CASZ1: variants seen among roughly 807,000 people sequenced by gnomAD.
The protein encoded by CASZ1 is zinc finger protein castor homolog 1.
In CASZ1, 28 loss-of-function variants were observed where a neutral mutation model predicts 135.2. The observed-to-expected ratio is 0.21, with a 90% CI of 0.15 to 0.28. The LOEUF (loss-of-function observed/expected upper bound fraction) is 0.28. Among genes scored for constraint, CASZ1 ranks in the 10% least tolerant of loss-of-function variants. The pLI is 1.00. For missense variants in CASZ1, 2,161 were observed against 2,453.3 expected (o/e 0.88, Z 2.52); for synonymous variants, 1,068 against 1,073.4 (o/e 0.99, Z 0.10).
chr1:10,699,481 G>C lies in CASZ1; in HGVS notation c.-23-5569C>G, dbSNP rs1321404446. 6.6e-6 allele frequency among the ~76,000 whole-genome samples: 1 copy of C among 152,168 alleles called. No individual in the cohort carries two copies. The highest frequency in any genetic ancestry group is 1.5e-5 in the Non-Finnish European group (1 of 68,040). On this transcript the variant is annotated intron_variant, in intron 3 of 20. Transcript: ENST00000377022. The surrounding 1 kb of genome is among the most constrained non-coding windows in gnomAD (Gnocchi z 4.6). Reference sequence around the variant, plus strand: ...ACCCAAGGTCTGAAAGCCAAGGTAGGTTGTTGGGTGGGCAGCTGGCAGCCC... The same window carrying C: ...ACCCAAGGTCTGAAAGCCAAGGTAGCTTGTTGGGTGGGCAGCTGGCAGCCC...
chr1:10,761,842 G>C (rs999816756), intron 1 of CASZ1, among the ~76,000 whole-genome samples: 4 of 152,202 alleles, frequency 2.6e-5, no homozygotes, highest in African/African-American at 9.6e-5. Context: ...TGAGAACCCA[G>C]AGGGGGTGCT....
chr1:10,650,279 C>T (rs976498711), intron 13 of CASZ1: 7 of 152,422 alleles, frequency 4.6e-5, no homozygotes, highest in Admixed American at 3.9e-4. Context: ...GGAAGGCGTC[C>T]GAGACCATTA....
At chr1:10,758,266 G>A (rs1003318078) in intron 2 of CASZ1, among the ~76,000 whole-genome samples, 2 of 151,536 alleles carry the variant, frequency 1.3e-5, no homozygotes, top group African/African-American at 4.9e-5. Context: ...AACAGGGGCG[G>A]TCTTGTCCAC....
chr1:10,654,376 C>T (rs1384754066), intron 10 of CASZ1, 43 bp downstream of exon 10: 1 of 1,601,190 alleles, frequency 6.2e-7, no homozygotes, highest in South Asian at 1.1e-5. Context: ...TGCCTTCCCT[C>T]CCCGCTTCTG....
intron 6 of CASZ1, 94 bp downstream of exon 6, chr1:10,659,608 G>C: frequency 2.1e-6 from 2 of 945,980 alleles, no homozygotes; most frequent in Non-Finnish European, 3.4e-6. Context: ...AGCGGCAGGT[G>C]TGTCCTCAAG....
At chr1:10,785,783 G>A (rs6660242) in intron 1 of CASZ1, among the ~76,000 whole-genome samples, 69,931 of 152,218 alleles carry the variant, frequency 0.46, 20,991 homozygotes, top group Non-Finnish European at 0.67. Context: ...AGCCCACAAC[G>A]GCTGCTTCAT....
At chr1:10,664,073 C>A (rs1026459236) in intron 5 of CASZ1, among the ~76,000 whole-genome samples, 1 of 152,242 alleles carries the variant, frequency 6.6e-6, no homozygotes, top group East Asian at 1.9e-4. Context: ...TCATTGATCT[C>A]GCAATGTTTG....
In CASZ1 at chr1:10,712,548, T is replaced by TG. The variant is rs1393476181; in HGVS notation, c.-76-7005dup. Reference sequence around the variant, plus strand: ...TGCTGGGGAAGCCAAGCCAGGGGGGTGGGTAGGTGAGACACGGTGACTTCA... The same window carrying TG: ...TGCTGGGGAAGCCAAGCCAGGGGGGTGGGGTAGGTGAGACACGGTGACTTCA... On this transcript the variant is annotated intron_variant, in intron 2 of 20. Coordinates refer to ENST00000377022, the MANE Select transcript of CASZ1 (RefSeq NM_001079843.3). Among the ~76,000 whole-genome samples the TG allele has an allele frequency of 2.7e-5, 4 of 150,078 alleles. No individual in the cohort carries two copies. The East Asian group carries it at 7.9e-4, about 30-fold the overall frequency.
At chr1:10,690,663 T>C (rs1454434771) in intron 4 of CASZ1, among the ~76,000 whole-genome samples, 1 of 151,692 alleles carries the variant, frequency 6.6e-6, no homozygotes, top group Non-Finnish European at 1.5e-5. Context: ...TGGGCAGCAC[T>C]GTCCCTCACC....
At chr1:10,696,261 C>T (rs1001171410) in intron 3 of CASZ1, among the ~76,000 whole-genome samples, 8 of 152,310 alleles carry the variant, frequency 5.3e-5, no homozygotes, top group African/African-American at 1.2e-4. Context: ...TCCTGGCAGT[C>T]CCCACTCCTG....
Position 10,643,159 on chromosome 1 carries a change from C to T in CASZ1, c.4020+1G>A. On this transcript the variant is annotated splice_donor_variant, in intron 19 of 20. Coordinates refer to ENST00000377022, the MANE Select transcript of CASZ1 (RefSeq NM_001079843.3). LOFTEE classifies it high-confidence loss of function. ...GGCTCTCACCTGGGGGGGGCTCTCA[C>T]CTGGGAGGGGGGCACGCGGTCGAAG... 1 of 1,610,768 alleles carries T rather than the reference C, an allele frequency of 6.2e-7. No individual in the cohort carries two copies. Among genetic ancestry groups the T allele is most frequent in the Non-Finnish European group, 8.5e-7 (1 of 1,179,522 alleles).
At chr1:10,695,993 AG>A (rs925083295) in intron 3 of CASZ1, among the ~76,000 whole-genome samples, 13 of 151,950 alleles carry the variant, frequency 8.6e-5, no homozygotes, top group African/African-American at 3.1e-4. Context: ...AGATGAGGGG[AG>A]GGGAGCAGGG....
intron 4 of CASZ1, among the ~76,000 whole-genome samples, chr1:10,675,644 C>T (rs545914556): frequency 1.3e-5 from 2 of 152,272 alleles, no homozygotes; most frequent in Non-Finnish European, 1.5e-5. Context: ...ATTCCTGGGG[C>T]TGGACCCCAG....
In CASZ1 at chr1:10,647,352, G is replaced by T; in HGVS notation, c.3497+449C>A. The T allele has an allele frequency of 1.9e-6, 2 of 1,049,718 alleles. No individual in the cohort carries two copies. Among genetic ancestry groups the T allele is most frequent in the South Asian group, 6.5e-5 (2 of 30,546 alleles). The allele number at this position is 1,049,718 out of a possible 1,614,324, so 65.0% of individuals were successfully genotyped here. ...ACCCAAGAGCTCAGACCACTGTGCAGGCCAGTGACGGCCTGGAGGGGCCTG... is the reference window on the plus strand; with the variant it reads ...ACCCAAGAGCTCAGACCACTGTGCATGCCAGTGACGGCCTGGAGGGGCCTG... On this transcript the variant is annotated intron_variant, in intron 16 of 20. Coordinates refer to ENST00000377022, the MANE Select transcript of CASZ1 (RefSeq NM_001079843.3). This position sits in a 1 kb window ranked among gnomAD's most constrained non-coding sequence, Gnocchi z 4.9.
rs1639415087 is a variant in CASZ1 at position 10,717,424 on chromosome 1, T to C, written c.-76-11880A>G. ...TTCTTTTTTGCTATTTATCAGCAGG[T>C]TGTGTGGAGCTGAGTGGTGTGAGCC... On this transcript the variant is annotated intron_variant, in intron 2 of 20. Transcript: ENST00000377022. This position sits in a 1 kb window ranked among gnomAD's most constrained non-coding sequence, Gnocchi z 4.6. Among the ~76,000 whole-genome samples the C allele has an allele frequency of 2.6e-5, 4 of 152,078 alleles. No homozygotes were observed. The highest frequency in any genetic ancestry group is 9.7e-5 in the African/African-American group (4 of 41,404).
chr1:10,790,276 C>T (rs542740064), intron 1 of CASZ1, among the ~76,000 whole-genome samples: 6 of 152,240 alleles, frequency 3.9e-5, no homozygotes, highest in Admixed American at 6.5e-5. Flanking sequence ...AACCACGCCA[C>T]GTATCCCGGG....
At chr1:10,771,680 C>G (rs970993305) in intron 1 of CASZ1, among the ~76,000 whole-genome samples, 5 of 152,016 alleles carry the variant, frequency 3.3e-5, no homozygotes, top group African/African-American at 1.2e-4. Context: ...TCCTCCTCCT[C>G]CTCTTCCTCC....
intron 3 of CASZ1, among the ~76,000 whole-genome samples, chr1:10,696,415 C>T (rs2100420121): frequency 6.6e-6 from 1 of 152,376 alleles, no homozygotes; most frequent in South Asian, 2.1e-4. Flanking sequence ...AAGTCTAAGC[C>T]TGGGAGTATG....
intron 3 of CASZ1, among the ~76,000 whole-genome samples, chr1:10,696,991 C>T (rs986507814): frequency 6.6e-6 from 1 of 152,206 alleles, no homozygotes; most frequent in Non-Finnish European, 1.5e-5. Flanking sequence ...GGATGGCAGC[C>T]AGCAATGGAG....
Sources: allele counts gnomAD v4.1 joint callset (sites outside exome capture counted in the v4.1 genomes callset), GRCh38; gene constraint gnomAD v4.1.1; non-coding constraint Gnocchi (gnomAD v3.1); transcripts MANE v1.5; gene names NCBI Gene and HGNC (gene_info 2026-07-23, HGNC 2026-07-21).